PAX3: variants seen among roughly 807,000 people sequenced by gnomAD.
The protein encoded by PAX3 is paired box protein Pax-3.
A neutral mutation model predicts 51.6 loss-of-function variants in PAX3; 14 were observed. The ratio of observed to expected loss-of-function variants is 0.27; its 90% CI spans 0.18 to 0.42. PAX3 has a LOEUF of 0.42. Ranked by LOEUF, PAX3 falls within the 10% of genes least tolerant of loss-of-function variation. PAX3 has a pLI of 1.00. For missense variants in PAX3, 540 were observed against 642.8 expected (o/e 0.84, Z 1.73); for synonymous variants, 280 against 253.4 (o/e 1.11, Z -1.00).
chr2:222,208,663 G>A (rs1343678961), intron 7 of PAX3, among the ~76,000 whole-genome samples: 1 of 152,134 alleles, frequency 6.6e-6, no homozygotes, highest in African/African-American at 2.4e-5. Flanking sequence ...GCCCTCTAAA[G>A]CGCGTGTGCT....
chr2:222,289,636 G>T (rs1040455682), intron 4 of PAX3, among the ~76,000 whole-genome samples: 20 of 152,252 alleles, frequency 1.3e-4, no homozygotes, highest in African/African-American at 4.8e-4. Flanking sequence ...TAGAAAATCT[G>T]CATGTTTTCA....
chr2:222,228,563 C>G (rs1692467963), intron 5 of PAX3, among the ~76,000 whole-genome samples: 1 of 152,188 alleles, frequency 6.6e-6, no homozygotes, highest in Admixed American at 6.5e-5. Context: ...TTTTCCATCA[C>G]ACTCCTTGTC....
intron 7 of PAX3, among the ~76,000 whole-genome samples, chr2:222,218,678 G>C (rs1208403312): frequency 6.6e-6 from 1 of 152,156 alleles, no homozygotes; most frequent in African/African-American, 2.4e-5. Context: ...ATAAGTCCAT[G>C]ATTTTCATGC....
At chr2:222,288,042 A>G (rs1348065993) in intron 4 of PAX3, among the ~76,000 whole-genome samples, 1 of 152,266 alleles carries the variant, frequency 6.6e-6, no homozygotes, top group East Asian at 1.9e-4. Context: ...CAAATTAAGC[A>G]CAGAGATAGT....
intron 4 of PAX3, among the ~76,000 whole-genome samples, chr2:222,288,048 A>G (rs902453880): frequency 5.3e-5 from 8 of 152,244 alleles, no homozygotes; most frequent in South Asian, 2.1e-4. Context: ...AAGCACAGAG[A>G]TAGTATTTCC....
Position 222,220,327 on chromosome 2 carries a change from T to G in PAX3, c.986A>C (p.His329Pro). The change falls in exon 7 of 9, where the codon CAC (histidine) becomes CCC (proline). Residue 329 changes from histidine (H) to proline (P), a missense_variant. Physicochemically the swap from His to Pro is moderately conservative, Grantham distance 77. Transcript: ENST00000392070. ...QAVSDPSSTVHRPQPLPPSTV... is the reference protein window; with the variant it reads ...QAVSDPSSTVPRPQPLPPSTV... ...GCTTGGAGGAAGCGGTTGAGGTCTG[T>G]GAACGGTGCTGCTGGGATCTGACAC... 6.2e-7 allele frequency: 1 copy of G among 1,614,084 alleles called. No homozygotes were observed. Among genetic ancestry groups the G allele is most frequent in the Non-Finnish European group, 8.5e-7 (1 of 1,179,974 alleles).
intron 4 of PAX3, among the ~76,000 whole-genome samples, chr2:222,245,449 A>G (rs1478220853): frequency 6.6e-6 from 1 of 152,234 alleles, no homozygotes; most frequent in Non-Finnish European, 1.5e-5. Flanking sequence ...AGTGTCCACA[A>G]CCAATGTGAA....
At position 222,298,658 on chromosome 2, in the gene PAX3, G is replaced by T; in HGVS notation, c.-43C>A. 1 of 1,541,994 alleles carries T rather than the reference G, an allele frequency of 6.5e-7. No homozygotes were observed. The highest frequency in any genetic ancestry group is 2.4e-5 in the East Asian group (1 of 41,962). ...TCGGAAATTATATCCAGGTGAAGGC[G>T]AAACGGAAAGGCGAGTGCGGCGCGG... is the stretch of plus-strand genomic sequence containing the variant. On this transcript the variant is annotated 5_prime_UTR_variant, in exon 1 of 9. Transcript: ENST00000392070.
chr2:222,210,139 A>C (rs891140611), intron 7 of PAX3, among the ~76,000 whole-genome samples: 11 of 152,212 alleles, frequency 7.2e-5, no homozygotes, highest in African/African-American at 2.7e-4. Flanking sequence ...CTCCTACTGC[A>C]CAGGCAACTT....
intron 4 of PAX3, among the ~76,000 whole-genome samples, chr2:222,255,917 A>ATTTTTTTTTTTTGT (rs1693621364): frequency 1.0e-5 from 1 of 98,346 alleles, no homozygotes; most frequent in Non-Finnish European, 1.9e-5. Flanking sequence ...CGCCCAGCTA[A>ATTTTTTTTTTTTGT]TTTTTTTTTT....
intron 4 of PAX3, among the ~76,000 whole-genome samples, chr2:222,281,444 T>C (rs1343706040): frequency 6.6e-6 from 1 of 152,262 alleles, no homozygotes; most frequent in African/African-American, 2.4e-5. Flanking sequence ...ACCTGCTCTC[T>C]GACATTAAGC....
At position 222,201,494 on chromosome 2, in the gene PAX3, C is replaced by T. The variant is rs1691291524; in HGVS notation, c.1421-52G>A. 5.0e-6 allele frequency: 8 copies of T among 1,608,536 alleles called. No individual in the cohort carries two copies. The Admixed American group carries it at 1.3e-4, about 27-fold the overall frequency. On this transcript the variant is annotated intron_variant, in intron 8 of 8. Coordinates refer to ENST00000392070, the MANE Select transcript of PAX3 (RefSeq NM_181458.4). ...AGGTCATGCTGGGACAATTCACAGTCAGGGGCAAGATCAGCTACAGGCTGA... is the reference window on the plus strand; with the variant it reads ...AGGTCATGCTGGGACAATTCACAGTTAGGGGCAAGATCAGCTACAGGCTGA...
chr2:222,265,221 T>A (rs935397267), intron 4 of PAX3: 3 of 152,278 alleles, frequency 2.0e-5, no homozygotes, highest in Non-Finnish European at 4.4e-5. Context: ...TGGATTTTGC[T>A]GTACATGTCT....
rs149730570 is a variant in PAX3, at chr2:222,240,828, A to G, written c.587-8545T>C. 7.9e-3 allele frequency among the ~76,000 whole-genome samples: 1,210 copies of G among 152,282 alleles called. 16 individuals are homozygous for G. Among genetic ancestry groups the G allele is most frequent in the Middle Eastern group, 0.058 (17 of 294 alleles). ...AACACGAATGACATCGCCCTTTCCT[A>G]CAGTCTCCTGCAAAAGATTTCTATT... On this transcript the variant is annotated intron_variant, in intron 4 of 8. Transcript: ENST00000392070.
At chr2:222,220,391 T>C (rs985837785) in intron 6 of PAX3, 37 bp from the exon 7 acceptor site, 5 of 1,602,520 alleles carry the variant, frequency 3.1e-6, no homozygotes, top group Admixed American at 1.7e-5. Context: ...CATGTTTTCT[T>C]TTAGGCCAGC....
chr2:222,232,441 G>A lies in PAX3; in HGVS notation c.587-158C>T, dbSNP rs531578172. On this transcript the variant is annotated intron_variant, in intron 4 of 8. Coordinates refer to ENST00000392070, the MANE Select transcript of PAX3 (RefSeq NM_181458.4). ...ATCAAAAAACAAGTCTAACCAATCC[G>A]TAATAATTCAAATCCTGGTCTACAG... Among the ~76,000 whole-genome samples, 19 of 152,248 alleles carry A rather than the reference G, an allele frequency of 1.2e-4. No individual in the cohort carries two copies. In the South Asian group the frequency reaches 2.1e-3, roughly 17 times the overall value.
intron 7 of PAX3, among the ~76,000 whole-genome samples, chr2:222,213,227 T>C (rs1691817088): frequency 6.6e-6 from 1 of 152,162 alleles, no homozygotes. Context: ...CAAATTAAAC[T>C]AACTCAAGAG....
intron 4 of PAX3, among the ~76,000 whole-genome samples, chr2:222,248,233 AAGAATTCACTTTATGG>A (rs1693298097): frequency 6.6e-6 from 1 of 152,236 alleles, no homozygotes; most frequent in Non-Finnish European, 1.5e-5. Context: ...AAAATCTGCT[AAGAATTCACTTTATGG>A]CATTTAAAGT....
At chr2:222,220,859 C>T (rs551652939) in intron 6 of PAX3, among the ~76,000 whole-genome samples, 1 of 152,338 alleles carries the variant, frequency 6.6e-6, no homozygotes, top group South Asian at 2.1e-4. Context: ...TCAAAGCTTA[C>T]CTTCCCTCTA....
Sources: allele counts gnomAD v4.1 joint callset (sites outside exome capture counted in the v4.1 genomes callset), GRCh38; gene constraint gnomAD v4.1.1; transcripts MANE v1.5; gene names NCBI Gene and HGNC (gene_info 2026-07-23, HGNC 2026-07-21).